Variants in WDTC1 observed in about 807,000 individuals in gnomAD.
The protein encoded by WDTC1 is WD and tetratricopeptide repeats 1.
A neutral mutation model predicts 76.0 loss-of-function variants in WDTC1; 12 were observed. The observed-to-expected ratio is 0.16, with a 90% CI of 0.10 to 0.26. WDTC1 has a LOEUF of 0.26. Ranked by LOEUF, WDTC1 falls within the 10% of genes least tolerant of loss-of-function variation. The pLI is 1.00. For synonymous variants in WDTC1, 326 were observed against 350.8 expected (o/e 0.93, Z 0.79); for missense variants, 511 against 908.8 (o/e 0.56, Z 5.63).
intron 3 of WDTC1, among the ~76,000 whole-genome samples, chr1:27,266,669 C>A (rs1021548653): frequency 1.3e-5 from 2 of 152,184 alleles, no homozygotes; most frequent in Non-Finnish European, 2.9e-5. Context: ...TTTAAAACTT[C>A]TTCAGTCATT....
chr1:27,276,729 T>TA (rs2013040126), intron 3 of WDTC1, among the ~76,000 whole-genome samples: 1 of 151,680 alleles, frequency 6.6e-6, no homozygotes, highest in Non-Finnish European at 1.5e-5. Flanking sequence ...ATTTTTTTTT[T>TA]ATTATAGCCC....
rs920019237 is a variant in WDTC1 at position 27,307,170 on chromosome 1, C to G, written c.*787C>G. 1 of 153,110 alleles carries G rather than the reference C, an allele frequency of 6.5e-6. No individual in the cohort carries two copies. Among genetic ancestry groups the G allele is most frequent in the African/African-American group, 2.4e-5 (1 of 41,456 alleles). The allele number at this position is 153,110 out of a possible 1,614,324, so 9.5% of individuals were successfully genotyped here. On this transcript the variant is annotated 3_prime_UTR_variant, in exon 16 of 16. Transcript: ENST00000319394. This position sits in a 1 kb window ranked among gnomAD's most constrained non-coding sequence, Gnocchi z 4.1. ...GGGCGCTCCTCAGCCTCACTGTGAC[C>G]TTTCTGCCAGAGCTCCCAGCCAGGC... is the stretch of plus-strand genomic sequence containing the variant.
Position 27,306,577 on chromosome 1 carries a change from C to A in WDTC1, c.*194C>A. Reference sequence around the variant, plus strand: ...CTTTCGGACTCTGGGCTGATTGTCCCCTGACTATCCCCAGCCCTGAAAAAA... The same window carrying A: ...CTTTCGGACTCTGGGCTGATTGTCCACTGACTATCCCCAGCCCTGAAAAAA... On this transcript the variant is annotated 3_prime_UTR_variant, in exon 16 of 16. Coordinates refer to ENST00000319394, the MANE Select transcript of WDTC1 (RefSeq NM_001276252.2). This position sits in a 1 kb window ranked among gnomAD's most constrained non-coding sequence, Gnocchi z 5.0. The A allele has an allele frequency of 1.5e-6, 1 of 664,946 alleles. No homozygotes were observed. The highest frequency in any genetic ancestry group is 2.8e-5 in the East Asian group (1 of 36,194). The allele number at this position is 664,946 out of a possible 1,614,324, so 41.2% of individuals were successfully genotyped here.
chr1:27,261,146 T>C (rs2147931835), intron 2 of WDTC1, 44 bp downstream of exon 2: 1 of 1,610,414 alleles, frequency 6.2e-7, no homozygotes, highest in African/African-American at 1.3e-5. Flanking sequence ...GATCTTTTCT[T>C]TCCCACAGAT....
intron 1 of WDTC1, among the ~76,000 whole-genome samples, chr1:27,243,873 C>G (rs1266244554): frequency 2.0e-5 from 3 of 151,370 alleles, no homozygotes; most frequent in African/African-American, 7.3e-5. Flanking sequence ...TGCCTATAAT[C>G]CCAACACTTT....
Position 27,245,811 on chromosome 1 carries a change from A to G in WDTC1, c.-100+10860A>G, listed in dbSNP as rs199620519. Among the ~76,000 whole-genome samples the G allele has an allele frequency of 1.2e-4, 18 of 151,378 alleles. No individual in the cohort carries two copies. In the East Asian group the frequency reaches 2.3e-3, roughly 20 times the overall value. ...TCTCGAACTCCTGACCTCCTGGTCC[A>G]CCCGCCTTGGCCTCCCAGAAAGTGC... On this transcript the variant is annotated intron_variant, in intron 1 of 15. Transcript: ENST00000319394.
intron 1 of WDTC1, among the ~76,000 whole-genome samples, chr1:27,259,806 A>G (rs2012415409): frequency 6.6e-6 from 1 of 151,428 alleles, no homozygotes; most frequent in East Asian, 1.9e-4. Context: ...AGATCTCTTG[A>G]GCCCAGGATT....
intron 1 of WDTC1, among the ~76,000 whole-genome samples, chr1:27,251,542 G>C (rs2147916517): frequency 6.6e-6 from 1 of 152,240 alleles, no homozygotes; most frequent in South Asian, 2.1e-4. Flanking sequence ...CTTTGGGCCG[G>C]AGCACAGTGC....
At chr1:27,255,998 T>C (rs2012268152) in intron 1 of WDTC1, among the ~76,000 whole-genome samples, 1 of 152,138 alleles carries the variant, frequency 6.6e-6, no homozygotes, top group South Asian at 2.1e-4. Context: ...AGAACCCCTC[T>C]CTATCAGGCA....
intron 1 of WDTC1, among the ~76,000 whole-genome samples, chr1:27,259,535 A>G (rs1226260443): frequency 6.6e-6 from 1 of 151,870 alleles, no homozygotes; most frequent in East Asian, 1.9e-4. Context: ...TATGTTGCCC[A>G]AGGAGGGCTT....
In WDTC1 at chr1:27,307,970, G is replaced by A. The variant is rs1458385703; in HGVS notation, c.*1587G>A. 1 of 152,624 alleles carries A rather than the reference G, an allele frequency of 6.6e-6. No homozygotes were observed. The highest frequency in any genetic ancestry group is 1.5e-5 in the Non-Finnish European group (1 of 68,076). 9.5% of individuals were successfully genotyped at this position (152,624 alleles called of 1,614,324 possible). A position where few individuals can be genotyped will look rare whatever the true frequency, so the allele number is the denominator to read the frequency against. ...TTTCTCTAGCCAGGGAGAAGGGAGA[G>A]CAGGAGTATTGGGGCTGGGCCCTGG... On this transcript the variant is annotated 3_prime_UTR_variant, in exon 16 of 16. Transcript: ENST00000319394. This position sits in a 1 kb window ranked among gnomAD's most constrained non-coding sequence, Gnocchi z 4.1.
At chr1:27,281,189 C>T (rs1289953203) in intron 3 of WDTC1, among the ~76,000 whole-genome samples, 4 of 152,040 alleles carry the variant, frequency 2.6e-5, no homozygotes, top group African/African-American at 4.8e-5. Context: ...AGGCTGGGCG[C>T]GGTGGCTCAC....
chr1:27,239,200 A>G (rs1359879720), intron 1 of WDTC1, among the ~76,000 whole-genome samples: 6 of 145,634 alleles, frequency 4.1e-5, no homozygotes, highest in Non-Finnish European at 6.0e-5. Context: ...CACCATGCCC[A>G]GCCTCCCTGT....
rs150455830 is a variant in WDTC1, at chr1:27,257,409, G to T, written c.-99-3547G>T. 5.4e-4 allele frequency among the ~76,000 whole-genome samples: 82 copies of T among 152,106 alleles called. 1 individual carries two copies. In the East Asian group the frequency reaches 0.015, roughly 28 times the overall value. On this transcript the variant is annotated intron_variant, in intron 1 of 15. Transcript: ENST00000319394. ...GAGACTTAAGCAAGGCCACACAACT[G>T]TTCTTTCTTAATACCAGATATACTC... is the stretch of plus-strand genomic sequence containing the variant.
intron 1 of WDTC1, among the ~76,000 whole-genome samples, chr1:27,251,543 A>G (rs1333717868): frequency 3.9e-5 from 6 of 152,218 alleles, no homozygotes; most frequent in South Asian, 2.1e-4. Context: ...TTTGGGCCGG[A>G]GCACAGTGCC....
At chr1:27,256,806 T>A (rs1244620120) in intron 1 of WDTC1, among the ~76,000 whole-genome samples, 1 of 152,226 alleles carries the variant, frequency 6.6e-6, no homozygotes, top group Non-Finnish European at 1.5e-5. Context: ...TGAATGACTG[T>A]AAAACCCTCA....
chr1:27,245,602 C>T (rs1374781925), intron 1 of WDTC1, among the ~76,000 whole-genome samples: 1 of 150,102 alleles, frequency 6.7e-6, no homozygotes. Flanking sequence ...CAGAGTCTTG[C>T]CCTGTCACCC....
At chr1:27,294,363 C>T in intron 8 of WDTC1, 151 bp from the exon 9 acceptor site, 1 of 713,996 alleles carries the variant, frequency 1.4e-6, no homozygotes. Context: ...TATAAAGCAA[C>T]TAGCCCAGTG....
Position 27,301,427 on chromosome 1 carries a change from C to T in WDTC1, c.1434C>T (p.Asp478=), listed in dbSNP as rs1190890941. Residue 478 remains aspartate (D), a synonymous_variant, in exon 13 of 16, where the codon GAC becomes GAT. Transcript: ENST00000319394. The surrounding 1 kb of genome is among the most constrained non-coding windows in gnomAD (Gnocchi z 5.8). ...GCGCTTGTGATGCATTGGGCCGCGA[C>T]ATCACAGCTGCCCTCTTCTCTAAAA... ...HSSACDALGR[D]ITAALFSKND... 4 of 1,613,852 alleles carry T rather than the reference C, an allele frequency of 2.5e-6. No individual in the cohort carries two copies. The highest frequency in any genetic ancestry group is 2.5e-6 in the Non-Finnish European group (3 of 1,180,032).
Sources: gnomAD v4.1 joint callset for allele counts (sites outside exome capture counted in the v4.1 genomes callset) on GRCh38, gnomAD v4.1.1 for gene constraint, Gnocchi (gnomAD v3.1) non-coding constraint, MANE v1.5 for transcripts, NCBI Gene and HGNC (gene_info 2026-07-23, HGNC 2026-07-21) for gene names.